Variants in ARID1A observed in about 807,000 individuals in gnomAD.
ARID1A encodes AT-rich interaction domain 1A, also known as AT-rich interactive domain-containing protein 1A.
ARID1A carries 20 observed loss-of-function variants against 212.6 expected under a neutral mutation model. That is an observed-to-expected ratio of 0.09 (90% CI 0.07 to 0.14). The LOEUF (loss-of-function observed/expected upper bound fraction) is 0.14. ARID1A is among the 10% of genes least tolerant of loss of function. The probability of loss-of-function intolerance (pLI) is 1.00; values close to 1 mark genes in which losing one functional copy is unlikely to be tolerated. For synonymous variants in ARID1A, 1,376 were observed against 1,222.1 expected (o/e 1.13, Z -2.63); for missense variants, 2,587 against 3,059.0 (o/e 0.85, Z 3.64).
intron 14 of ARID1A, 132 bp from the exon 15 acceptor site, chr1:26,773,214 A>T: frequency 7.3e-7 from 1 of 1,366,428 alleles, no homozygotes; most frequent in Non-Finnish European, 9.9e-7. Context: ...GGGCCTCTTT[A>T]GATCTCTGTT....
intron 1 of ARID1A, among the ~76,000 whole-genome samples, chr1:26,722,496 T>C (rs1422530245): frequency 6.6e-6 from 1 of 152,244 alleles, no homozygotes; most frequent in Non-Finnish European, 1.5e-5. Context: ...TCTGCCGCCT[T>C]GGCCACCCAA....
At position 26,707,200 on chromosome 1, in the gene ARID1A, A is replaced by ATT. The variant is rs751639614; in HGVS notation, c.1137+9685_1137+9686dup. ...AGGCATGCGCCACCGCGGCTGGCTAATTTTTTTTTTTTTTTTTTTTTTTTT... is the reference window on the plus strand; with the variant it reads ...AGGCATGCGCCACCGCGGCTGGCTAATTTTTTTTTTTTTTTTTTTTTTTTTTT... On this transcript the variant is annotated intron_variant, in intron 1 of 19. Transcript: ENST00000324856. 3.1e-3 allele frequency among the ~76,000 whole-genome samples: 313 copies of ATT among 102,606 alleles called. 23 individuals carry two copies. The highest frequency in any genetic ancestry group is 4.6e-3 in the African/African-American group (130 of 28,534). The allele number at this position is 102,606 out of a possible 152,430, so 67.3% of individuals were successfully genotyped here.
chr1:26,770,844 A>T, intron 11 of ARID1A: 2 of 433,354 alleles, frequency 4.6e-6, no homozygotes, highest in East Asian at 7.8e-5. Context: ...AAAAAACCGG[A>T]CTCTGAATTC....
chr1:26,735,108 A>T lies in ARID1A; in HGVS notation c.1920+2316A>T, dbSNP rs1015630449. 1.1e-4 allele frequency among the ~76,000 whole-genome samples: 17 copies of T among 151,842 alleles called. 1 individual carries two copies. Among genetic ancestry groups the T allele is most frequent in the Admixed American group, 7.2e-4 (11 of 15,226 alleles). On this transcript the variant is annotated intron_variant, in intron 4 of 19. Transcript: ENST00000324856. ...TATTTTTTTGTTAATCTTAGAATAAAATCCAGAATTTTTTTTTTTTTTTTT... is the reference window on the plus strand; with the variant it reads ...TATTTTTTTGTTAATCTTAGAATAATATCCAGAATTTTTTTTTTTTTTTTT...
At chr1:26,709,198 T>G (rs569550208) in intron 1 of ARID1A, among the ~76,000 whole-genome samples, 1 of 152,324 alleles carries the variant, frequency 6.6e-6, no homozygotes, top group East Asian at 1.9e-4. Flanking sequence ...TGGTAAATAT[T>G]AGATATGTGA....
At chr1:26,731,084 T>C (rs1570575395) in intron 2 of ARID1A, 68 bp from the exon 3 acceptor site, 1 of 1,502,474 alleles carries the variant, frequency 6.7e-7, no homozygotes, top group East Asian at 2.3e-5. Flanking sequence ...GCATAGCTTC[T>C]CACAAAACAC....
Position 26,696,137 on chromosome 1 carries a change from T to C in ARID1A, c.-267T>C, listed in dbSNP as rs2080247654. On this transcript the variant is annotated 5_prime_UTR_variant, in exon 1 of 20. Coordinates refer to ENST00000324856, the MANE Select transcript of ARID1A (RefSeq NM_006015.6). ...GGGGGAATGAGCCGGGAGAGCCGGGTCCCGAGCCTACAGAGCCGGGAGCAG... is the reference window on the plus strand; with the variant it reads ...GGGGGAATGAGCCGGGAGAGCCGGGCCCCGAGCCTACAGAGCCGGGAGCAG... The C allele has an allele frequency of 6.3e-6, 3 of 475,092 alleles. No individual in the cohort carries two copies. The highest frequency in any genetic ancestry group is 9.0e-6 in the Non-Finnish European group (3 of 333,578). The allele number at this position is 475,092 out of a possible 1,614,324, so 29.4% of individuals were successfully genotyped here.
At chr1:26,744,966 C>CA (rs1408527700) in intron 4 of ARID1A, among the ~76,000 whole-genome samples, 2 of 152,118 alleles carry the variant, frequency 1.3e-5, no homozygotes, top group Non-Finnish European at 1.5e-5. Flanking sequence ...CCATTTCCTA[C>CA]AAAAAATATG....
intron 4 of ARID1A, among the ~76,000 whole-genome samples, chr1:26,749,755 C>T (rs2080868550): frequency 6.6e-6 from 1 of 152,236 alleles, no homozygotes; most frequent in Non-Finnish European, 1.5e-5. Flanking sequence ...TTCTGCACTG[C>T]TGCAGTTCTA....
intron 18 of ARID1A, 37 bp from the exon 19 acceptor site, chr1:26,775,540 G>T (rs2124125851): frequency 6.2e-7 from 1 of 1,612,166 alleles, no homozygotes; most frequent in Non-Finnish European, 8.5e-7. Context: ...CAGCCAACCT[G>T]GGCTTGGTGG....
intron 1 of ARID1A, among the ~76,000 whole-genome samples, chr1:26,720,593 C>T (rs1032183928): frequency 5.9e-5 from 9 of 152,010 alleles, no homozygotes; most frequent in Admixed American, 1.3e-4. Context: ...AATACAGATT[C>T]CTGGCTGGGC....
chr1:26,781,870 T>A lies in ARID1A; in HGVS notation c.*1114T>A, dbSNP rs934925108. 4.3e-6 allele frequency: 1 copy of A among 233,620 alleles called. No individual in the cohort carries two copies. The highest frequency in any genetic ancestry group is 8.5e-6 in the Non-Finnish European group (1 of 118,066). The allele number at this position is 233,620 out of a possible 1,614,324, so 14.5% of individuals were successfully genotyped here. A position where few individuals can be genotyped will look rare whatever the true frequency, so the allele number is the denominator to read the frequency against. ...GGTTTTTGTTTTGTTTTGTTTTCTT[T>A]CTAATCGAGGTGTGAAAAAGTTCTA... On this transcript the variant is annotated 3_prime_UTR_variant, in exon 20 of 20. Coordinates refer to ENST00000324856, the MANE Select transcript of ARID1A (RefSeq NM_006015.6).
intron 1 of ARID1A, among the ~76,000 whole-genome samples, chr1:26,714,640 C>T (rs2124767962): frequency 6.6e-6 from 1 of 152,234 alleles, no homozygotes; most frequent in East Asian, 1.9e-4. Context: ...TGGTCTCGAA[C>T]TCCTGACCTC....
chr1:26,775,152 C>T lies in ARID1A; in HGVS notation c.4925C>T (p.Pro1642Leu), dbSNP rs2124123723. ...PPMIRRDITF[P>L]PGSVEATQPV... ...ATGATTCGGCGGGATATCACCTTCC[C>T]ACCTGGCTCTGTTGAAGCCACACAG... Residue 1642 changes from proline (P) to leucine (L), a missense_variant, in exon 18 of 20, where the codon CCA (proline) becomes CTA (leucine). Pro to Leu is a moderately conservative substitution (Grantham distance 98, BLOSUM62 -3). Coordinates refer to ENST00000324856, the MANE Select transcript of ARID1A (RefSeq NM_006015.6). 2 of 1,613,472 alleles carry T rather than the reference C, an allele frequency of 1.2e-6. No homozygotes were observed. The highest frequency in any genetic ancestry group is 1.7e-6 in the Non-Finnish European group (2 of 1,179,808).
Position 26,696,767 on chromosome 1 carries a change from G to T in ARID1A, c.364G>T (p.Gly122Cys), listed in dbSNP as rs1238023708. ...GAACAATAACCTCACGGAGCCGCCC[G>T]GCGGCGGCGGTGGCGGCAGCAGCGA... ...ALNNNLTEPP[G>C]GGGGGSSDGV... Residue 122 changes from glycine to cysteine, a missense_variant, in exon 1 of 20, where the codon GGC becomes TGC. Physicochemically the swap from Gly to Cys is radical, Grantham distance 159 (BLOSUM62 -3). Around this residue, in one of 11 missense-constraint regions of ARID1A, gnomAD observed 735 missense variants for 590.6 expected, o/e 1.24. Transcript: ENST00000324856. 1.5e-6 allele frequency: 2 copies of T among 1,343,802 alleles called. No individual in the cohort carries two copies. The highest frequency in any genetic ancestry group is 4.0e-5 in the South Asian group (2 of 49,906). 83.2% of individuals were successfully genotyped at this position (1,343,802 alleles called of 1,614,324 possible).
chr1:26,718,346 A>C (rs1266056372), intron 1 of ARID1A, among the ~76,000 whole-genome samples: 1 of 152,154 alleles, frequency 6.6e-6, no homozygotes, highest in Non-Finnish European at 1.5e-5. Context: ...TGATAAGGAA[A>C]CAGAGACAAA....
intron 11 of ARID1A, among the ~76,000 whole-genome samples, chr1:26,768,348 T>C (rs951801191): frequency 6.6e-6 from 1 of 152,266 alleles, no homozygotes; most frequent in Non-Finnish European, 1.5e-5. Context: ...GAATCCCTTC[T>C]TGGCCACTTA....
intron 11 of ARID1A, chr1:26,770,533 A>T (rs1227154513): frequency 6.6e-6 from 1 of 152,326 alleles, no homozygotes; most frequent in Non-Finnish European, 1.5e-5. Context: ...TGAGGCGGGT[A>T]GATGACTTGA....
intron 4 of ARID1A, among the ~76,000 whole-genome samples, chr1:26,757,749 C>T (rs551692635): frequency 3.6e-4 from 54 of 152,024 alleles, no homozygotes; most frequent in African/African-American, 5.1e-4. Flanking sequence ...CACACTGTAA[C>T]CTCCACCTCC....
Sources: allele counts gnomAD v4.1 joint callset (sites outside exome capture counted in the v4.1 genomes callset), GRCh38; gene constraint gnomAD v4.1.1; regional missense constraint gnomAD v4.1.1; transcripts MANE v1.5; gene names NCBI Gene and HGNC (gene_info 2026-07-23, HGNC 2026-07-21).